VWF: variants seen among roughly 807,000 people sequenced by gnomAD.
The protein encoded by VWF is von Willebrand factor.
Under a neutral mutation model 308.6 loss-of-function variants are expected in VWF, and 176 were observed. The ratio of observed to expected loss-of-function variants is 0.57; its 90% CI spans 0.50 to 0.65. VWF has a LOEUF of 0.65. Ranked by LOEUF, VWF falls within the 30% of genes least tolerant of loss-of-function variation. The pLI, the probability that VWF is intolerant of heterozygous loss-of-function variation, is 0.00. For missense variants in VWF, 3,146 were observed against 3,648.2 expected (o/e 0.86, Z 3.55); for synonymous variants, 1,385 against 1,443.4 (o/e 0.96, Z 0.92).
rs147523582 is a variant in VWF, at chr12:5,985,570, C to T, written c.6894G>A (p.Thr2298=). The T allele has an allele frequency of 1.2e-5, 19 of 1,613,762 alleles. No individual in the cohort carries two copies. The African/African-American group carries it at 1.9e-4, about 16-fold the overall frequency. Residue 2298 remains threonine, a synonymous_variant, in exon 39 of 52, where the codon ACG becomes ACA. Transcript: ENST00000261405. ...GGAGGGGAGGACTCTCACCTTTGGC[C>T]GTGGGGCAGGGCTGCGTTGTGCAGT... is the stretch of plus-strand genomic sequence containing the variant. ...KVNCTTQPCP[T]AKAPTCGLCE... is the part of the protein sequence containing the mutation.
At chr12:6,080,217 A>G (rs1944894619) in intron 6 of VWF, among the ~76,000 whole-genome samples, 2 of 152,216 alleles carry the variant, frequency 1.3e-5, no homozygotes, top group African/African-American at 2.4e-5. Flanking sequence ...AAGCTTTTCA[A>G]AGACAGGAGC....
At chr12:5,985,395 C>T (rs1943668097) in intron 39 of VWF, among the ~76,000 whole-genome samples, 168 bp downstream of exon 39, 1 of 152,150 alleles carries the variant, frequency 6.6e-6, no homozygotes, top group Admixed American at 6.5e-5. Context: ...AATGGGGCTC[C>T]CAGGCCCAGT....
At chr12:6,043,896 C>T (rs572913708) in intron 18 of VWF, among the ~76,000 whole-genome samples, 5 of 152,172 alleles carry the variant, frequency 3.3e-5, no homozygotes, top group Non-Finnish European at 7.3e-5. Flanking sequence ...TATGCATATA[C>T]GTCAATCATA....
chr12:6,102,113 T>G (rs1945169330), intron 5 of VWF, among the ~76,000 whole-genome samples: 1 of 152,102 alleles, frequency 6.6e-6, no homozygotes, highest in South Asian at 2.1e-4. Context: ...TCAACAAATA[T>G]TTATTGAACA....
chr12:6,010,819 T>C (rs1394485804), intron 34 of VWF, among the ~76,000 whole-genome samples: 3 of 152,226 alleles, frequency 2.0e-5, no homozygotes, highest in Non-Finnish European at 4.4e-5. Context: ...TTAACTCTAA[T>C]CAAATTCAAA....
rs216326 is a variant in VWF at position 6,036,782 on chromosome 12, G to A, written c.2443-291C>T. On this transcript the variant is annotated intron_variant, in intron 18 of 51. Transcript: ENST00000261405. ...CTCTGCCCTCTCGTGCCCTGCTGGG[G>A]CACTGTAACCTGGACATTTTTGCAA... Among the ~76,000 whole-genome samples, 89,805 of 152,062 alleles carry A rather than the reference G, an allele frequency of 0.59. 26,737 individuals are homozygous for A. The highest frequency in any genetic ancestry group is 0.72 in the East Asian group (3,740 of 5,170).
intron 3 of VWF, among the ~76,000 whole-genome samples, chr12:6,118,297 G>A (rs984513945): frequency 2.0e-5 from 3 of 150,014 alleles, no homozygotes; most frequent in Admixed American, 1.3e-4. Flanking sequence ...AACTAACAGA[G>A]ATTATGGAGT....
At chr12:6,065,348 T>C in intron 10 of VWF, 75 bp from the exon 11 acceptor site, 2 of 1,586,814 alleles carry the variant, frequency 1.3e-6, no homozygotes, top group South Asian at 1.1e-5. Flanking sequence ...GTGGAATGCA[T>C]ATGCAAGCAG....
chr12:6,110,725 C>T, intron 4 of VWF, 141 bp downstream of exon 4: 1 of 1,283,764 alleles, frequency 7.8e-7, no homozygotes, highest in Non-Finnish European at 1.1e-6. Context: ...ATCGGGAGAG[C>T]TGGCTCTCAC....
At chr12:6,109,720 T>G (rs184830017) in intron 5 of VWF, among the ~76,000 whole-genome samples, 42 of 152,308 alleles carry the variant, frequency 2.8e-4, no homozygotes, top group Non-Finnish European at 5.3e-4. Context: ...GCACGATCAC[T>G]GCTCACTGCA....
chr12:6,071,465 G>A, intron 9 of VWF, 122 bp from the exon 10 acceptor site: 1 of 1,075,808 alleles, frequency 9.3e-7, no homozygotes, highest in Non-Finnish European at 1.4e-6. Flanking sequence ...AAAGAAAAGA[G>A]CTGGTGCTAG....
chr12:6,110,813 G>C, intron 4 of VWF, 53 bp downstream of exon 4: 1 of 1,562,386 alleles, frequency 6.4e-7, no homozygotes, highest in South Asian at 1.1e-5. Flanking sequence ...AAATGAGGGG[G>C]TTGTGTCAGG....
intron 16 of VWF, among the ~76,000 whole-genome samples, chr12:6,052,023 C>T (rs569378973): frequency 2.4e-4 from 36 of 152,274 alleles, no homozygotes; most frequent in Admixed American, 6.5e-4. Context: ...CTCATGGCAA[C>T]CCTGTTGAAA....
chr12:5,967,611 A>G lies in VWF; in HGVS notation c.7771-9T>C. On this transcript the variant is annotated splice_polypyrimidine_tract_variant and intron_variant, in intron 46 of 51. Transcript: ENST00000261405. Reference sequence around the variant, plus strand: ...ATCACAGTCTTCCCGGGCTGGAAGCAGAGGCACCAGGGTCAGGCCCCCCAG... The same window carrying G: ...ATCACAGTCTTCCCGGGCTGGAAGCGGAGGCACCAGGGTCAGGCCCCCCAG... 1 of 1,612,866 alleles carries G rather than the reference A, an allele frequency of 6.2e-7. No individual in the cohort carries two copies. The highest frequency in any genetic ancestry group is 1.7e-5 in the Admixed American group (1 of 60,010).
At position 6,058,173 on chromosome 12, in the gene VWF, A is replaced by C; in HGVS notation, c.1534-129T>G. On this transcript the variant is annotated intron_variant, in intron 13 of 51. Transcript: ENST00000261405. The surrounding 1 kb of genome is among the most constrained non-coding windows in gnomAD (Gnocchi z 4.9). ...TGAAACATAAATATGAATGTAATAA[A>C]AGGCAGCTAAGCCCTAGGCTGCAAA... 1.7e-5 allele frequency: 18 copies of C among 1,040,246 alleles called. No individual in the cohort carries two copies. Among genetic ancestry groups the C allele is most frequent in the Non-Finnish European group, 1.8e-5 (13 of 729,058 alleles). 64.4% of individuals were successfully genotyped at this position (1,040,246 alleles called of 1,614,324 possible). A position where few individuals can be genotyped will look rare whatever the true frequency, so the allele number is the denominator to read the frequency against.
Position 6,077,432 on chromosome 12 carries a change from G to A in VWF, c.658-1881C>T, listed in dbSNP as rs183442442. The stretch of plus-strand genomic sequence containing the variant: ...ACAGCCATCAGCTGCTCTGCGTCTC[G>A]GGGCCAACAGCAGCCCCTCCACGGC... On this transcript the variant is annotated intron_variant, in intron 6 of 51. Transcript: ENST00000261405. 2.9e-3 allele frequency among the ~76,000 whole-genome samples: 437 copies of A among 152,322 alleles called. 2 individuals are homozygous for A. The highest frequency in any genetic ancestry group is 9.5e-3 in the African/African-American group (394 of 41,566).
chr12:6,041,738 C>T (rs1349725229), intron 18 of VWF, among the ~76,000 whole-genome samples: 1 of 152,158 alleles, frequency 6.6e-6, no homozygotes, highest in Non-Finnish European at 1.5e-5. Context: ...TGAGCCACTG[C>T]GCCCAGCTGA....
intron 35 of VWF, among the ~76,000 whole-genome samples, chr12:5,995,142 C>G (rs1035344780): frequency 2.0e-5 from 3 of 152,094 alleles, no homozygotes; most frequent in African/African-American, 7.2e-5. Context: ...CAGTGTGGCC[C>G]AGGGAAGCCA....
At position 6,036,458 on chromosome 12, in the gene VWF, T is replaced by C. The variant is rs1944338152; in HGVS notation, c.2476A>G (p.Arg826Gly). ...RHENRCVALERCPCFHQGKEY... is the reference protein window; with the variant it reads ...RHENRCVALEGCPCFHQGKEY... Reference sequence around the variant, plus strand: ...TTGCCCTGATGGAAGCAGGGACACCTTTCCAGGGCCACACATCTGTTCTCA... The same window carrying C: ...TTGCCCTGATGGAAGCAGGGACACCCTTCCAGGGCCACACATCTGTTCTCA... Residue 826 changes from arginine to glycine, a missense_variant, in exon 19 of 52, where the codon AGG (arginine) becomes GGG (glycine). Physicochemically the swap from Arg to Gly is moderately radical, Grantham distance 125. Around this residue, in one of 3 missense-constraint regions of VWF, gnomAD observed 1,304 missense variants for 1,353.0 expected, o/e 0.96. Coordinates refer to ENST00000261405, the MANE Select transcript of VWF (RefSeq NM_000552.5). 1 of 1,614,234 alleles carries C rather than the reference T, an allele frequency of 6.2e-7. No individual in the cohort carries two copies. Among genetic ancestry groups the C allele is most frequent in the Non-Finnish European group, 8.5e-7 (1 of 1,180,044 alleles).
Sources: allele counts gnomAD v4.1 joint callset (sites outside exome capture counted in the v4.1 genomes callset), GRCh38; gene constraint gnomAD v4.1.1; regional missense constraint gnomAD v4.1.1; non-coding constraint Gnocchi (gnomAD v3.1); transcripts MANE v1.5; gene names NCBI Gene and HGNC (gene_info 2026-07-23, HGNC 2026-07-21).